Variants in KLRD1 observed in about 807,000 individuals in gnomAD.
KLRD1 encodes killer cell lectin like receptor D1, also known as natural killer cells antigen CD94.
A neutral mutation model predicts 22.6 loss-of-function variants in KLRD1; 21 were observed. The observed-to-expected ratio is 0.93, with a 90% CI of 0.66 to 1.34. The LOEUF (loss-of-function observed/expected upper bound fraction) is 1.34, where lower values mean the gene tolerates loss of function less well. KLRD1 is among the 40% of genes most tolerant of loss of function. KLRD1 has a pLI of 0.00. For synonymous variants in KLRD1, 59 were observed against 71.1 expected (o/e 0.83, Z 0.85); for missense variants, 183 against 208.6 (o/e 0.88, Z 0.76).
At chr12:10,289,374 A>G (rs1246792328) in intron 1 of KLRD1, among the ~76,000 whole-genome samples, 3 of 152,250 alleles carry the variant, frequency 2.0e-5, no homozygotes, top group African/African-American at 4.8e-5. Flanking sequence ...AAGGACTCTA[A>G]TTAAGAAATT....
chr12:10,309,470 G>T lies in KLRD1; in HGVS notation c.90G>T (p.Leu30Phe). ...CGTTGATGTCTACGTTGGGAATTTT[G>T]TTGAAAAATTGTAAGTTTTTCTAAG... The part of the protein sequence containing the change: ...CLSLMSTLGI[L>F]LKNSFTKLSI... The change falls in exon 2 of 6, where the codon TTG (leucine) becomes TTT (phenylalanine). Residue 30 changes from leucine to phenylalanine, a missense_variant. Physicochemically the swap from Leu to Phe is conservative, Grantham distance 22. Transcript: ENST00000336164. 6.6e-7 allele frequency: 1 copy of T among 1,506,426 alleles called. No homozygotes were observed. The highest frequency in any genetic ancestry group is 9.2e-7 in the Non-Finnish European group (1 of 1,081,806). 93.3% of individuals were successfully genotyped at this position (1,506,426 alleles called of 1,614,324 possible).
chr12:10,295,214 T>C (rs1198191494), intron 1 of KLRD1, among the ~76,000 whole-genome samples: 1 of 152,236 alleles, frequency 6.6e-6, no homozygotes, highest in Non-Finnish European at 1.5e-5. Context: ...CTATTTCTCA[T>C]TTTATTGTAA....
rs1208226436 is a variant in KLRD1 at position 10,246,928 on chromosome 12, C to CTTT, written c.-101+20697_-101+20699dup. On this transcript the variant is annotated intron_variant, in intron 1 of 5. Transcript: ENST00000544747. ...TTCTTTTTTCTTTTTCTTTTCTTTT[C>CTTT]TTTTCTTTTTTTTTTTTTTTTTGAG... Among the ~76,000 whole-genome samples the CTTT allele has an allele frequency of 1.2e-3, 150 of 129,626 alleles. 2 individuals carry two copies. The highest frequency in any genetic ancestry group is 4.1e-3 in the Middle Eastern group (1 of 246). The allele number at this position is 129,626 out of a possible 152,430, so 85.0% of individuals were successfully genotyped here. A position where few individuals can be genotyped will look rare whatever the true frequency, so the allele number is the denominator to read the frequency against.
At chr12:10,239,095 G>A (rs1028654451) in intron 1 of KLRD1, among the ~76,000 whole-genome samples, 3 of 152,294 alleles carry the variant, frequency 2.0e-5, no homozygotes, top group South Asian at 2.1e-4. Context: ...TTTGTTGTAC[G>A]TGGTCACTTA....
chr12:10,263,261 T>C (rs1362074137), intron 1 of KLRD1, among the ~76,000 whole-genome samples: 1 of 152,042 alleles, frequency 6.6e-6, no homozygotes, highest in Non-Finnish European at 1.5e-5. Context: ...TTCAATCATC[T>C]TCAGAGGCTA....
At chr12:10,312,944 C>G (rs1263640364) in intron 4 of KLRD1, among the ~76,000 whole-genome samples, 2 of 151,504 alleles carry the variant, frequency 1.3e-5, no homozygotes, top group African/African-American at 2.4e-5. Flanking sequence ...CTGAGATCGT[C>G]CCACTGCACT....
At chr12:10,249,131 G>A (rs1949321919) in intron 1 of KLRD1, among the ~76,000 whole-genome samples, 1 of 152,152 alleles carries the variant, frequency 6.6e-6, no homozygotes, top group Admixed American at 6.5e-5. Flanking sequence ...CAAAGTAAAT[G>A]TATTTCCAAA....
intron 1 of KLRD1, among the ~76,000 whole-genome samples, chr12:10,263,706 G>C (rs1949474318): frequency 6.6e-6 from 1 of 152,006 alleles, no homozygotes; most frequent in Non-Finnish European, 1.5e-5. Context: ...TAAGTTATCT[G>C]AACCATGTTA....
intron 1 of KLRD1, among the ~76,000 whole-genome samples, chr12:10,257,111 T>C (rs902370630): frequency 2.6e-5 from 1 of 37,854 alleles, no homozygotes; most frequent in African/African-American, 3.6e-5. Context: ...AATATTTTCT[T>C]GTTTTGTTTT....
intron 1 of KLRD1, among the ~76,000 whole-genome samples, chr12:10,275,738 T>A (rs1949586789): frequency 1.3e-5 from 2 of 152,210 alleles, no homozygotes; most frequent in South Asian, 4.1e-4. Flanking sequence ...CCACTCTTTT[T>A]AAGATAAACT....
At chr12:10,250,340 C>G (rs570076003) in intron 1 of KLRD1, among the ~76,000 whole-genome samples, 1 of 151,888 alleles carries the variant, frequency 6.6e-6, no homozygotes. Context: ...AGAGCCCTTT[C>G]AGTAACATGT....
At chr12:10,276,706 A>T (rs1949595773) in intron 1 of KLRD1, among the ~76,000 whole-genome samples, 1 of 151,946 alleles carries the variant, frequency 6.6e-6, no homozygotes, top group Non-Finnish European at 1.5e-5. Context: ...AAAAAAAAAA[A>T]AAAAGTAAAA....
chr12:10,239,557 TTC>T (rs529645681), intron 1 of KLRD1, among the ~76,000 whole-genome samples: 3,922 of 135,882 alleles, frequency 0.029, 346 homozygotes, highest in African/African-American at 0.13. Context: ...CTTTCTTTCT[TTC>T]TTTCTTTCTT....
At position 10,311,554 on chromosome 12, in the gene KLRD1, G is replaced by A; in HGVS notation, c.254G>A (p.Ser85Asn). ...ISSEQKTWNE[S>N]RHLCASQKSS... Reference sequence around the variant, plus strand: ...AGTGAACAGAAAACTTGGAACGAAAGTCGGCATCTCTGTGCTTCTCAGAAA... The same window carrying A: ...AGTGAACAGAAAACTTGGAACGAAAATCGGCATCTCTGTGCTTCTCAGAAA... Residue 85 changes from serine (S) to asparagine (N), a missense_variant, in exon 4 of 6, where the codon AGT becomes AAT. Transcript: ENST00000336164. 1 of 1,614,120 alleles carries A rather than the reference G, an allele frequency of 6.2e-7. No individual in the cohort carries two copies. The highest frequency in any genetic ancestry group is 8.5e-7 in the Non-Finnish European group (1 of 1,179,980).
chr12:10,284,347 G>A (rs1470294862), intron 1 of KLRD1, among the ~76,000 whole-genome samples: 1 of 152,174 alleles, frequency 6.6e-6, no homozygotes, highest in Non-Finnish European at 1.5e-5. Context: ...CACATGTGGA[G>A]GGGCTCAGTA....
At position 10,324,400 on chromosome 12, in the gene KLRD1, C is replaced by T. The variant is rs543866739; in HGVS notation, c.*9607C>T. 6.6e-6 allele frequency: 1 copy of T among 151,400 alleles called. No individual in the cohort carries two copies. The highest frequency in any genetic ancestry group is 1.5e-5 in the Non-Finnish European group (1 of 68,036). The allele number at this position is 151,400 out of a possible 1,614,324, so 9.4% of individuals were successfully genotyped here. On this transcript the variant is annotated 3_prime_UTR_variant, in exon 6 of 6. Coordinates refer to ENST00000336164, the MANE Select transcript of KLRD1 (RefSeq NM_002262.5). ...ATCCTCATCCTTCTCCCTCTCCCCC[C>T]CAAGTAGGCCCCAGTGTCTATTGTT...
At chr12:10,249,266 T>G (rs1172077607) in intron 1 of KLRD1, among the ~76,000 whole-genome samples, 1 of 152,168 alleles carries the variant, frequency 6.6e-6, no homozygotes, top group African/African-American at 2.4e-5. Flanking sequence ...TGCCACATTA[T>G]GAGGATTTTA....
At chr12:10,240,444 A>G (rs1365992898) in intron 1 of KLRD1, among the ~76,000 whole-genome samples, 1 of 151,816 alleles carries the variant, frequency 6.6e-6, no homozygotes, top group South Asian at 2.1e-4. Flanking sequence ...GACCATGATG[A>G]AATTAGTAGA....
At chr12:10,240,858 A>G (rs982288579) in intron 1 of KLRD1, among the ~76,000 whole-genome samples, 2 of 152,036 alleles carry the variant, frequency 1.3e-5, no homozygotes, top group East Asian at 3.8e-4. Context: ...TGTTTTTGCT[A>G]TTGTTTTTGT....
Sources: gnomAD v4.1 joint callset for allele counts (sites outside exome capture counted in the v4.1 genomes callset) on GRCh38, gnomAD v4.1.1 for gene constraint, MANE v1.5 for transcripts, NCBI Gene and HGNC (gene_info 2026-07-23, HGNC 2026-07-21) for gene names.